PMFBP1: variants seen among roughly 807,000 people sequenced by gnomAD.
PMFBP1 encodes the protein polyamine-modulated factor 1-binding protein 1.
A neutral mutation model predicts 137.8 loss-of-function variants in PMFBP1; 131 were observed. That is an observed-to-expected ratio of 0.95 (90% confidence interval 0.82 to 1.10). The LOEUF (loss-of-function observed/expected upper bound fraction) is 1.10. Ranked by LOEUF, PMFBP1 falls within the 50% of genes least tolerant of loss-of-function variation. The pLI is 0.00. For missense variants in PMFBP1, 1,199 were observed against 1,175.4 expected (o/e 1.02, Z -0.29); for synonymous variants, 490 against 450.4 (o/e 1.09, Z -1.11).
chr16:72,142,599 A>G (rs2042740040), intron 5 of PMFBP1, among the ~76,000 whole-genome samples: 1 of 152,242 alleles, frequency 6.6e-6, no homozygotes. Flanking sequence ...CTAGCATTCA[A>G]GGATGATGAC....
At chr16:72,239,915 A>AAAAAAAAAAAAG in the PMFBP1 span, among the ~76,000 whole-genome samples, 83 of 145,102 alleles carry the variant, frequency 5.7e-4, 2 homozygotes, top group Non-Finnish European at 9.5e-4. Flanking sequence ...AAAAAAAAAA[A>AAAAAAAAAAAAG]AAGAATGTTC....
the PMFBP1 span, among the ~76,000 whole-genome samples, chr16:72,188,085 G>A: frequency 0.074 from 11,332 of 152,278 alleles, 496 homozygotes; most frequent in Non-Finnish European, 0.1. Flanking sequence ...ATAGAATGCC[G>A]TCAGCCAATG....
intron 16 of PMFBP1, 48 bp from the exon 17 acceptor site, chr16:72,124,982 G>C: frequency 1.3e-6 from 2 of 1,596,900 alleles, no homozygotes; most frequent in Non-Finnish European, 1.7e-6. Flanking sequence ...TGGCCTCCCT[G>C]ACCGCAGGAC....
At chr16:72,145,900 C>T (rs1480255653) in intron 5 of PMFBP1, among the ~76,000 whole-genome samples, 1 of 152,100 alleles carries the variant, frequency 6.6e-6, no homozygotes, top group Admixed American at 6.5e-5. Flanking sequence ...AGCCTGTCAA[C>T]CAAAAAAGTT....
chr16:72,140,467 T>A lies in PMFBP1; in HGVS notation c.752A>T (p.Gln251Leu), dbSNP rs148861582. 6.2e-7 allele frequency: 1 copy of A among 1,613,702 alleles called. No individual in the cohort carries two copies. The highest frequency in any genetic ancestry group is 1.1e-5 in the South Asian group (1 of 91,070). ...RLSEVWQKVSQQDDLIQELRN... is the reference protein window; with the variant it reads ...RLSEVWQKVSLQDDLIQELRN... Reference sequence around the variant, plus strand: ...AAGTTCTTGAATGAGATCATCCTGTTGAGAGACCTTTTGCCAGACTTCAGA... The same window carrying A: ...AAGTTCTTGAATGAGATCATCCTGTAGAGAGACCTTTTGCCAGACTTCAGA... The change falls in exon 6 of 21, where the codon CAA (glutamine) becomes CTA (leucine). Residue 251 changes from glutamine to leucine, a missense_variant. Gln to Leu is a moderately radical substitution (Grantham distance 113). Transcript: ENST00000237353.
the PMFBP1 span, among the ~76,000 whole-genome samples, chr16:72,205,567 C>T: frequency 1.3e-5 from 2 of 152,168 alleles, no homozygotes; most frequent in Non-Finnish European, 2.9e-5. Context: ...TCTCCATACA[C>T]ATACAAAAGG....
intron 5 of PMFBP1, among the ~76,000 whole-genome samples, chr16:72,145,355 T>C (rs1033138663): frequency 5.3e-5 from 8 of 152,078 alleles, no homozygotes; most frequent in Non-Finnish European, 7.4e-5. Context: ...CACAGCATAC[T>C]GGAATCTCTG....
chr16:72,120,412 A>ATGAT (rs1247511572), intron 19 of PMFBP1, among the ~76,000 whole-genome samples: 2 of 152,210 alleles, frequency 1.3e-5, no homozygotes, highest in African/African-American at 4.8e-5. Context: ...GGTTTGATAA[A>ATGAT]TGATAGAAAT....
At chr16:72,202,496 C>G in the PMFBP1 span, among the ~76,000 whole-genome samples, 1 of 152,138 alleles carries the variant, frequency 6.6e-6, no homozygotes, top group African/African-American at 2.4e-5. Context: ...TTTCTCTAAC[C>G]ATACTAAGAA....
Position 72,129,251 on chromosome 16 carries a change from G to C in PMFBP1, c.1783-18C>G. ...TCCCTGTGCTGAAAAAATAAAGACTGAGCTGAAAGACTGTCTTAGACTATA... is the reference window on the plus strand; with the variant it reads ...TCCCTGTGCTGAAAAAATAAAGACTCAGCTGAAAGACTGTCTTAGACTATA... On this transcript the variant is annotated intron_variant, in intron 12 of 20. Coordinates refer to ENST00000237353, the MANE Select transcript of PMFBP1 (RefSeq NM_031293.3). 1 of 1,606,566 alleles carries C rather than the reference G, an allele frequency of 6.2e-7. No individual in the cohort carries two copies. The highest frequency in any genetic ancestry group is 2.2e-5 in the East Asian group (1 of 44,882).
upstream of PMFBP1, among the ~76,000 whole-genome samples, chr16:72,181,246 A>AT (rs1478052756): frequency 1.8e-4 from 26 of 145,650 alleles, no homozygotes; most frequent in South Asian, 4.4e-4. Flanking sequence ...TCAAAAAAAA[A>AT]AAAATAATAA....
intron 10 of PMFBP1, among the ~76,000 whole-genome samples, chr16:72,131,732 A>G (rs1439172005): frequency 6.6e-6 from 1 of 152,236 alleles, no homozygotes; most frequent in Non-Finnish European, 1.5e-5. Flanking sequence ...ACTTTGAGGC[A>G]TAAGTAGCCA....
At chr16:72,146,629 C>G (rs191260799) in intron 5 of PMFBP1, among the ~76,000 whole-genome samples, 2 of 152,286 alleles carry the variant, frequency 1.3e-5, no homozygotes, top group Middle Eastern at 3.4e-3. Flanking sequence ...AAAACCCCAT[C>G]GTCTCAGCCC....
chr16:72,234,269 A>T, the PMFBP1 span, among the ~76,000 whole-genome samples: 3 of 152,202 alleles, frequency 2.0e-5, no homozygotes, highest in African/African-American at 7.2e-5. Flanking sequence ...CTTGCCAAAC[A>T]GATGGAGAGA....
intron 3 of PMFBP1, among the ~76,000 whole-genome samples, chr16:72,158,953 C>T (rs2043022299): frequency 6.6e-6 from 1 of 152,124 alleles, no homozygotes; most frequent in Non-Finnish European, 1.5e-5. Flanking sequence ...TATGGTCACA[C>T]CACTGCACCC....
chr16:72,220,213 AG>A, the PMFBP1 span, among the ~76,000 whole-genome samples: 1 of 152,252 alleles, frequency 6.6e-6, no homozygotes, highest in Non-Finnish European at 1.5e-5. Flanking sequence ...ACTTTTTTAA[AG>A]AAGCTTTCAG....
At chr16:72,119,597 T>G in intron 20 of PMFBP1, 1 of 1,442,858 alleles carries the variant, frequency 6.9e-7, no homozygotes, top group Non-Finnish European at 9.1e-7. Context: ...TTCCCTAAAA[T>G]GGGTCTGGGT....
intron 3 of PMFBP1, among the ~76,000 whole-genome samples, chr16:72,155,616 G>A (rs1001325484): frequency 6.6e-6 from 1 of 152,226 alleles, no homozygotes; most frequent in Non-Finnish European, 1.5e-5. Flanking sequence ...CCGAGGGGTT[G>A]AGCTTGTGGC....
In PMFBP1 at chr16:72,136,569, C is replaced by T. The variant is rs912800401; in HGVS notation, c.1082G>A (p.Arg361Gln). Reference sequence around the variant, plus strand: ...CTCAATGTGGGCAGATGTCTCCTCCCGCAGTCCGTGCAGGTCCAGCTCCAG... The same window carrying T: ...CTCAATGTGGGCAGATGTCTCCTCCTGCAGTCCGTGCAGGTCCAGCTCCAG... ...MKLELDLHGLREETSAHIERK... is the reference protein window; with the variant it reads ...MKLELDLHGLQEETSAHIERK... Residue 361 changes from arginine to glutamine, a missense_variant, in exon 9 of 21, where the codon CGG becomes CAG. Physicochemically the swap from Arg to Gln is conservative, Grantham distance 43 (BLOSUM62 1). Coordinates refer to ENST00000237353, the MANE Select transcript of PMFBP1 (RefSeq NM_031293.3). The T allele has an allele frequency of 2.0e-5, 33 of 1,613,908 alleles. 1 individual carries two copies. The highest frequency in any genetic ancestry group is 1.6e-4 in the Middle Eastern group (1 of 6,084).
Sources: allele counts gnomAD v4.1 joint callset (sites outside exome capture counted in the v4.1 genomes callset), GRCh38; gene constraint gnomAD v4.1.1; transcripts MANE v1.5; gene names NCBI Gene and HGNC (gene_info 2026-07-23, HGNC 2026-07-21).